Variants in HCFC1 observed in about 807,000 individuals in gnomAD.
HCFC1 encodes host cell factor C1.
Under a neutral mutation model 105.5 loss-of-function variants are expected in HCFC1, and 7 were observed. That is an observed-to-expected ratio of 0.07 (90% confidence interval 0.04 to 0.12). HCFC1 has a LOEUF of 0.12. Ranked by LOEUF, HCFC1 falls within the 10% of genes least tolerant of loss-of-function variation. The pLI is 1.00. For missense variants in HCFC1, 1,065 were observed against 1,823.6 expected (o/e 0.58, Z 7.58); for synonymous variants, 918 against 828.1 (o/e 1.11, Z -1.86).
chrX:153,957,203 G>T, intron 13 of HCFC1, 111 bp downstream of exon 13: 1 of 975,445 alleles, frequency 1.0e-6, no homozygotes, highest in Non-Finnish European at 1.4e-6. Flanking sequence ...GCAGCAAGGA[G>T]AAGATAGAAA....
At chrX:153,949,897 C>T (rs1336690936) in intron 24 of HCFC1, among the ~76,000 whole-genome samples, 1 of 112,308 alleles carries the variant, frequency 8.9e-6, no homozygotes, top group Non-Finnish European at 1.9e-5. Context: ...GGAGCTGGAG[C>T]AGGAGCATGA....
At chrX:153,951,762 G>A in intron 20 of HCFC1, 55 bp from the exon 21 acceptor site, 1 of 1,176,019 alleles carries the variant, frequency 8.5e-7, no homozygotes, top group African/African-American at 1.7e-5. Flanking sequence ...GCTCCCAAGT[G>A]AGACCGAGCC....
At chrX:153,962,449 TCTGA>T in intron 4 of HCFC1, 143 bp from the exon 5 acceptor site, 1 of 463,235 alleles carries the variant, frequency 2.2e-6, no homozygotes, top group East Asian at 3.7e-5. Flanking sequence ...CGGCAGGCCC[TCTGA>T]CTGTTGTCAT....
intron 23 of HCFC1, 24 bp from the exon 24 acceptor site, chrX:153,950,567 T>G (rs377187307): frequency 1.8e-6 from 2 of 1,134,650 alleles, no homozygotes; most frequent in Non-Finnish European, 2.3e-6. Flanking sequence ...GGTCAGAAGG[T>G]CAACAGAACA....
chrX:153,960,378 A>G lies in HCFC1; in HGVS notation c.941T>C (p.Leu314Pro). The G allele has an allele frequency of 8.3e-7, 1 of 1,206,056 alleles. No homozygotes were observed. The highest frequency in any genetic ancestry group is 1.1e-6 in the Non-Finnish European group (1 of 892,336). ...MAWETILMDT[L>P]EDNIPRARAG... Reference sequence around the variant, plus strand: ...CCGAGCACGGGGGATGTTGTCCTCCAGTGTATCCATCAGGATGGTCTCCCA... The same window carrying G: ...CCGAGCACGGGGGATGTTGTCCTCCGGTGTATCCATCAGGATGGTCTCCCA... The change falls in exon 7 of 26, where the codon CTG becomes CCG. Residue 314 changes from leucine to proline, a missense_variant. Coordinates refer to ENST00000310441, the MANE Select transcript of HCFC1 (RefSeq NM_005334.3).
intron 1 of HCFC1, 37 bp downstream of exon 1, chrX:153,970,611 G>A (rs371900785): frequency 1.7e-5 from 18 of 1,070,732 alleles, no homozygotes; most frequent in Non-Finnish European, 2.2e-5. Flanking sequence ...GATGGAGGGA[G>A]GGAAAGAGCC....
intron 9 of HCFC1, among the ~76,000 whole-genome samples, chrX:153,959,082 C>T (rs1331973931): frequency 8.0e-5 from 9 of 113,161 alleles, no homozygotes; most frequent in Admixed American, 4.6e-4. Context: ...TCCTCTCAGG[C>T]TGCAGGACAA....
chrX:153,966,859 C>T (rs892938508), intron 1 of HCFC1, among the ~76,000 whole-genome samples: 4 of 112,620 alleles, frequency 3.6e-5, no homozygotes, highest in Non-Finnish European at 7.5e-5. Flanking sequence ...TGGGACAAAG[C>T]TAAATGGCAC....
At chrX:153,949,468 G>C in intron 25 of HCFC1, 82 bp from the exon 26 acceptor site, 1 of 1,148,061 alleles carries the variant, frequency 8.7e-7, no homozygotes, top group Non-Finnish European at 1.2e-6. Flanking sequence ...GCCGGTTAGG[G>C]GCCCCCAGTC....
In HCFC1 at chrX:153,954,364, G is replaced by A. The variant is rs782669942; in HGVS notation, c.4035C>T (p.Pro1345=). The A allele has an allele frequency of 2.2e-5, 27 of 1,205,566 alleles. No homozygotes were observed. The highest frequency in any genetic ancestry group is 1.1e-4 in the South Asian group (6 of 56,376). Residue 1345 remains proline, a synonymous_variant, in exon 17 of 26, where the codon CCC becomes CCT. Coordinates refer to ENST00000310441, the MANE Select transcript of HCFC1 (RefSeq NM_005334.3). The part of the protein sequence containing the change: ...TATSNGGTGQ[P]EGGQQPPAGR... ...CAGCAGGGGGCTGCTGCCCACCCTC[G>A]GGCTGGCCCGTGCCCCCGTTTGAAG...
At chrX:153,969,220 C>G (rs782068035) in intron 1 of HCFC1, 1 of 111,532 alleles carries the variant, frequency 9.0e-6, no homozygotes, top group Non-Finnish European at 1.9e-5. Flanking sequence ...TTCCCACCCC[C>G]AGAGCATCGA....
intron 5 of HCFC1, among the ~76,000 whole-genome samples, chrX:153,961,883 T>C (rs1439523398): frequency 1.8e-5 from 2 of 112,141 alleles, no homozygotes; most frequent in African/African-American, 6.5e-5. Flanking sequence ...CTCACCTTCA[T>C]GTCCACAGTT....
In HCFC1 at chrX:153,954,885, T is replaced by C. The variant is rs377208960; in HGVS notation, c.3514A>G (p.Ser1172Gly). 9 of 1,158,517 alleles carry C rather than the reference T, an allele frequency of 7.8e-6. No individual in the cohort carries two copies. In the African/African-American group the frequency reaches 1.6e-4, roughly 21 times the overall value. Residue 1172 changes from serine to glycine, a missense_variant, in exon 17 of 26, where the codon AGC (serine) becomes GGC (glycine). Physicochemically the swap from Ser to Gly is moderately conservative, Grantham distance 56. Around this residue, in one of 17 missense-constraint regions of HCFC1, gnomAD observed 546 missense variants for 599.9 expected, o/e 0.91. Transcript: ENST00000310441. ...SKSQCQTRQT[S>G]ATSTTMTVMA... ...ACAGTCATGGTGGTGCTGGTCGCGC[T>C]GGTCTGGCGGGTTTGGCACTGGGAC...
Position 153,958,030 on chromosome X carries a change from C to T in HCFC1, c.2023G>A (p.Ala675Thr), listed in dbSNP as rs1480281955. 2 of 1,206,670 alleles carry T rather than the reference C, an allele frequency of 1.7e-6. No individual in the cohort carries two copies. Among genetic ancestry groups the T allele is most frequent in the African/African-American group, 3.5e-5 (2 of 57,464 alleles). ...TGGCAGCACCCATCACTCACCAGAG[C>T]ACTGCCTCCTGGGACAGAGATGGGG... ...KSPISVPGGS[A>T]LISNLGKVMS... is the part of the protein sequence containing the mutation. The change falls in exon 11 of 26, where the codon GCT (alanine) becomes ACT (threonine). Residue 675 changes from alanine (A) to threonine (T), a missense_variant. Transcript: ENST00000310441.
At chrX:153,964,768 C>T in intron 1 of HCFC1, 42 bp from the exon 2 acceptor site, 2 of 1,109,509 alleles carry the variant, frequency 1.8e-6, no homozygotes. Flanking sequence ...ACCCGGGAGC[C>T]CCCATTCCTC....
chrX:153,953,896 CCT>C, intron 17 of HCFC1, 126 bp from the exon 18 acceptor site: 1 of 888,849 alleles, frequency 1.1e-6, no homozygotes. Flanking sequence ...CTCCTGGAGA[CCT>C]CTGTCTGCTT....
At chrX:153,965,902 G>A (rs782443683) in intron 1 of HCFC1, among the ~76,000 whole-genome samples, 2 of 112,276 alleles carry the variant, frequency 1.8e-5, no homozygotes, top group Non-Finnish European at 3.8e-5. Flanking sequence ...GACCATGGTT[G>A]GGAATGCATG....
rs1569546804 is a variant in HCFC1 at position 153,957,052 on chromosome X, T to C, written c.2362A>G (p.Ser788Gly). Reference protein sequence around the residue: ...ITQAGATGVTSSPGIKSPITI... With the variant: ...ITQAGATGVTGSPGIKSPITI... ...ATGGGGGACTTGATGCCAGGACTGC[T>C]GGTCACACCTGGATGGGAGAGTGGG... The change falls in exon 14 of 26, where the codon AGC becomes GGC. Residue 788 changes from serine (S) to glycine (G), a missense_variant. Ser to Gly is a moderately conservative substitution (Grantham distance 56, BLOSUM62 0). Around this residue, in one of 17 missense-constraint regions of HCFC1, gnomAD observed 137 missense variants for 378.2 expected, o/e 0.36. Transcript: ENST00000310441. The C allele has an allele frequency of 1.7e-6, 2 of 1,208,529 alleles. No homozygotes were observed. Among genetic ancestry groups the C allele is most frequent in the Admixed American group, 2.2e-5 (1 of 45,998 alleles).
chrX:153,954,700 G>T lies in HCFC1; in HGVS notation c.3699C>A (p.His1233Gln). 8.3e-7 allele frequency: 1 copy of T among 1,198,709 alleles called. No homozygotes were observed. The highest frequency in any genetic ancestry group is 1.1e-6 in the Non-Finnish European group (1 of 889,207). Residue 1233 changes from histidine (H) to glutamine (Q), a missense_variant, in exon 17 of 26, where the codon CAC (histidine) becomes CAA (glutamine). Coordinates refer to ENST00000310441, the MANE Select transcript of HCFC1 (RefSeq NM_005334.3). ...TGGCAGCGGTGCTGACCGCATGGCTGTGGCGCCCCGCAGGAAGGTCCTTAA... is the reference window on the plus strand; with the variant it reads ...TGGCAGCGGTGCTGACCGCATGGCTTTGGCGCCCCGCAGGAAGGTCCTTAA... ...PSIKDLPAGRHSHAVSTAAMT... is the reference protein window; with the variant it reads ...PSIKDLPAGRQSHAVSTAAMT...
Sources: allele counts gnomAD v4.1 joint callset (sites outside exome capture counted in the v4.1 genomes callset), GRCh38; gene constraint gnomAD v4.1.1; regional missense constraint gnomAD v4.1.1; transcripts MANE v1.5; gene names NCBI Gene and HGNC (gene_info 2026-07-23, HGNC 2026-07-21).